Variants in RBBP8 observed in about 807,000 individuals in gnomAD.
The protein encoded by RBBP8 is DNA endonuclease RBBP8.
In RBBP8, 88 loss-of-function variants were observed where a neutral mutation model predicts 108.3. That is an observed-to-expected ratio of 0.81 (90% CI 0.68 to 0.97). RBBP8 has a LOEUF of 0.97. Ranked by LOEUF, RBBP8 falls within the 50% of genes least tolerant of loss-of-function variation. The pLI is 0.00. For synonymous variants in RBBP8, 332 were observed against 348.2 expected, an observed-to-expected ratio of 0.95 and a Z score of 0.52; for missense variants, 1,023 against 1,049.0, an observed-to-expected ratio of 0.98 and a Z score of 0.34.
chr18:22,948,060 G>A (rs943539127), intron 3 of RBBP8, among the ~76,000 whole-genome samples: 1 of 151,962 alleles, frequency 6.6e-6, no homozygotes, highest in Non-Finnish European at 1.5e-5. Context: ...CACTCCTTAA[G>A]AGTGAAAATG....
chr18:22,927,982 G>A (rs1228744606), intron 3 of RBBP8, among the ~76,000 whole-genome samples: 1 of 151,740 alleles, frequency 6.6e-6, no homozygotes, highest in Non-Finnish European at 1.5e-5. Flanking sequence ...GCCGAGGAGG[G>A]TGGATCACCT....
chr18:22,995,952 T>G (rs2045849609), intron 12 of RBBP8, among the ~76,000 whole-genome samples: 2 of 152,208 alleles, frequency 1.3e-5, no homozygotes, highest in South Asian at 4.1e-4. Flanking sequence ...TTTTACCTTT[T>G]GAAAGACTGC....
At chr18:23,001,477 C>T (rs921975114) in intron 14 of RBBP8, 109 bp from the exon 15 acceptor site, 8 of 1,262,240 alleles carry the variant, frequency 6.3e-6, no homozygotes, top group Non-Finnish European at 6.9e-6. Context: ...TAAGAAGTGT[C>T]TTTAAGGACT....
chr18:22,985,351 G>C (rs1314509705), intron 8 of RBBP8, among the ~76,000 whole-genome samples: 1 of 152,140 alleles, frequency 6.6e-6, no homozygotes. Flanking sequence ...ATGTCAGATA[G>C]AAGCAAGTGC....
intron 4 of RBBP8, among the ~76,000 whole-genome samples, chr18:22,968,448 T>G (rs1422015904): frequency 6.6e-6 from 1 of 152,224 alleles, no homozygotes; most frequent in African/African-American, 2.4e-5. Context: ...GGTGACATAC[T>G]GTGCTGAGCA....
At chr18:22,929,563 T>TGA (rs57048012), upstream of RBBP8, 1 of 148,864 alleles carries the variant, frequency 6.7e-6, no homozygotes, top group Non-Finnish European at 1.5e-5. Context: ...TGTGTGTGTG[T>TGA]TTAAGAGACA....
At chr18:23,022,932 T>C (rs2144859194) in intron 18 of RBBP8, among the ~76,000 whole-genome samples, 1 of 151,904 alleles carries the variant, frequency 6.6e-6, no homozygotes, top group African/African-American at 2.4e-5. Flanking sequence ...AGGGCTTCAC[T>C]CTGTCACCCA....
chr18:22,920,388 T>A (rs1183663874), intron 3 of RBBP8, among the ~76,000 whole-genome samples: 1 of 152,142 alleles, frequency 6.6e-6, no homozygotes, highest in Non-Finnish European at 1.5e-5. Context: ...GGAAATAGAG[T>A]ACATAACAGT....
chr18:22,992,868 C>T lies in RBBP8; in HGVS notation c.1041C>T (p.Ser347=). The part of the protein sequence containing the change: ...KSGLDLNTSL[S]PSLLQPGKKK... ...GTTTAGATTTGAATACAAGTTTGTC[C>T]CCTTCTCTTTTACAGCCTGGGAAAA... Residue 347 remains serine (S), a synonymous_variant, in exon 11 of 19, where the codon TCC becomes TCT. Coordinates refer to ENST00000327155, the MANE Select transcript of RBBP8 (RefSeq NM_002894.3). 6.2e-7 allele frequency: 1 copy of T among 1,613,810 alleles called. No individual in the cohort carries two copies. Among genetic ancestry groups the T allele is most frequent in the Non-Finnish European group, 8.5e-7 (1 of 1,179,884 alleles).
intron 16 of RBBP8, among the ~76,000 whole-genome samples, chr18:23,011,784 G>A (rs6507433): frequency 0.82 from 125,082 of 152,032 alleles, 52,143 homozygotes; most frequent in African/African-American, 0.95. Flanking sequence ...AACGATGCCC[G>A]TGTAAGACAG....
chr18:23,022,651 T>TAAC (rs370599195), intron 18 of RBBP8, among the ~76,000 whole-genome samples: 1 of 84,370 alleles, frequency 1.2e-5, no homozygotes, highest in Non-Finnish European at 2.3e-5. Context: ...TAAAATACAA[T>TAAC]ATAAAATAAA....
intron 5 of RBBP8, among the ~76,000 whole-genome samples, chr18:22,971,728 C>A (rs535127649): frequency 2.7e-4 from 41 of 150,260 alleles, no homozygotes; most frequent in African/African-American, 9.6e-4. Context: ...TCACTGCAAC[C>A]TCTGCCTTCC....
At chr18:22,925,545 G>GCACA (rs1300461836) in intron 3 of RBBP8, among the ~76,000 whole-genome samples, 1 of 152,132 alleles carries the variant, frequency 6.6e-6, no homozygotes, top group African/African-American at 2.4e-5. Flanking sequence ...AATCTGTGAA[G>GCACA]CACATAATTA....
upstream of RBBP8, among the ~76,000 whole-genome samples, chr18:22,931,461 T>C (rs1467913977): frequency 6.6e-6 from 1 of 152,200 alleles, no homozygotes; most frequent in African/African-American, 2.4e-5. Flanking sequence ...AGCTGCAGTA[T>C]AGAGAAGTGG....
chr18:22,963,919 G>C (rs1913337647), intron 4 of RBBP8, among the ~76,000 whole-genome samples: 2 of 151,990 alleles, frequency 1.3e-5, no homozygotes, highest in South Asian at 4.2e-4. Flanking sequence ...CCATTGTCAT[G>C]CTTAAAAAAA....
intron 14 of RBBP8, 32 bp downstream of exon 14, chr18:22,997,766 T>A: frequency 2.1e-6 from 3 of 1,404,680 alleles, no homozygotes; most frequent in Non-Finnish European, 3.0e-6. Flanking sequence ...TTATTTTTTT[T>A]AATAACGTTG....
chr18:22,946,966 C>A (rs538822220), intron 3 of RBBP8, among the ~76,000 whole-genome samples: 45 of 152,138 alleles, frequency 3.0e-4, no homozygotes, highest in African/African-American at 1.1e-3. Flanking sequence ...TGAAGATTCT[C>A]TGAATTGTTT....
intron 16 of RBBP8, among the ~76,000 whole-genome samples, chr18:23,016,423 A>G (rs182911509): frequency 1.3e-5 from 2 of 152,196 alleles, no homozygotes; most frequent in Admixed American, 6.5e-5. Flanking sequence ...ACAGGCCTGT[A>G]ATCCCAGCTA....
intron 4 of RBBP8, among the ~76,000 whole-genome samples, chr18:22,959,489 G>C (rs1912881816): frequency 6.6e-6 from 1 of 151,994 alleles, no homozygotes; most frequent in African/African-American, 2.4e-5. Context: ...TCAAAGTCTG[G>C]TAATTTTTTT....
Sources: gnomAD v4.1 joint callset for allele counts (sites outside exome capture counted in the v4.1 genomes callset) on GRCh38, gnomAD v4.1.1 for gene constraint, MANE v1.5 for transcripts, NCBI Gene and HGNC (gene_info 2026-07-23, HGNC 2026-07-21) for gene names.